The following ABHD17C variants were observed in gnomAD, a reference collection of about 807,000 sequenced individuals.
ABHD17C encodes the protein alpha/beta hydrolase domain-containing protein 17C.
ABHD17C carries 11 observed loss-of-function variants against 27.9 expected under a neutral mutation model. The ratio of observed to expected loss-of-function variants is 0.39; its 90% confidence interval spans 0.25 to 0.65. The LOEUF is 0.65. Ranked by LOEUF, ABHD17C falls within the 30% of genes least tolerant of loss-of-function variation. The pLI is 0.45. For missense variants in ABHD17C, 280 were observed against 470.2 expected (o/e 0.60, Z 3.74); for synonymous variants, 233 against 209.1 (o/e 1.11, Z -0.98).
At chr15:80,732,678 A>T (rs1895073168) in intron 1 of ABHD17C, among the ~76,000 whole-genome samples, 1 of 152,222 alleles carries the variant, frequency 6.6e-6, no homozygotes, top group South Asian at 2.1e-4. Context: ...AGGAGAACAG[A>T]ACTGAAGATG....
chr15:80,731,792 G>C (rs754325807), intron 1 of ABHD17C, among the ~76,000 whole-genome samples: 16 of 151,932 alleles, frequency 1.1e-4, no homozygotes, highest in Non-Finnish European at 2.1e-4. Flanking sequence ...AATTTTCCTT[G>C]GTACTTATGT....
At chr15:80,753,317 C>G (rs945056145) in intron 2 of ABHD17C, among the ~76,000 whole-genome samples, 4 of 152,110 alleles carry the variant, frequency 2.6e-5, no homozygotes, top group African/African-American at 9.7e-5. Context: ...ACACAACAGC[C>G]AATTGCAGTG....
chr15:80,743,006 T>TGGGGGGGTGGGGGGGG (rs1567038409), intron 1 of ABHD17C, among the ~76,000 whole-genome samples: 1 of 25,578 alleles, frequency 3.9e-5, no homozygotes, highest in Admixed American at 4.3e-4. Context: ...GGTGGGAGGG[T>TGGGGGGGTGGGGGGGG]GGGGTGGTGG....
At chr15:80,729,207 A>G (rs1467117481) in intron 1 of ABHD17C, among the ~76,000 whole-genome samples, 1 of 152,224 alleles carries the variant, frequency 6.6e-6, no homozygotes, top group African/African-American at 2.4e-5. Flanking sequence ...GAGGCCTCAC[A>G]GAGAGAACCT....
At chr15:80,717,937 A>G (rs1230517245) in intron 1 of ABHD17C, among the ~76,000 whole-genome samples, 1 of 152,168 alleles carries the variant, frequency 6.6e-6, no homozygotes, top group Non-Finnish European at 1.5e-5. Context: ...TAACGGAACT[A>G]CTAGCTGGTA....
Position 80,749,640 on chromosome 15 carries a change from C to G in ABHD17C, c.718C>G (p.Arg240Gly). The G allele has an allele frequency of 6.2e-7, 1 of 1,613,948 alleles. No individual in the cohort carries two copies. Among genetic ancestry groups the G allele is most frequent in the Non-Finnish European group, 8.5e-7 (1 of 1,179,860 alleles). The stretch of plus-strand genomic sequence containing the variant: ...CCATTCCCCTCTGATGTCTGGTTTG[C>G]GTGTGGCTTTTCCGGATACCAGGAA... The part of the protein sequence containing the change: ...ILHSPLMSGL[R>G]VAFPDTRKTY... The change falls in exon 2 of 3, where the codon CGT (arginine) becomes GGT (glycine). Residue 240 changes from arginine (R) to glycine (G), a missense_variant. Physicochemically the swap from Arg to Gly is moderately radical, Grantham distance 125. Around this residue, in one of 2 missense-constraint regions of ABHD17C, gnomAD observed 206 missense variants for 394.7 expected, o/e 0.52. Transcript: ENST00000258884.
chr15:80,739,884 T>C (rs537735719), intron 1 of ABHD17C, among the ~76,000 whole-genome samples: 1 of 152,280 alleles, frequency 6.6e-6, no homozygotes, highest in African/African-American at 2.4e-5. Flanking sequence ...TCAAATCTTT[T>C]CCCTTTTGGC....
rs867078958 is a variant in ABHD17C, at chr15:80,695,683, G to A, written c.254G>A (p.Gly85Asp). The change falls in exon 1 of 3, where the codon GGT becomes GAT. Residue 85 changes from glycine (G) to aspartate (D), a missense_variant. By Grantham distance (94) the Gly-to-Asp change is moderately conservative (BLOSUM62 -1). Around this residue, in one of 2 missense-constraint regions of ABHD17C, gnomAD observed 206 missense variants for 394.7 expected, o/e 0.52. Transcript: ENST00000258884. The surrounding 1 kb of genome is among the most constrained non-coding windows in gnomAD (Gnocchi z 4.3). ...QPEEGAGAGP[G>D]ACSLHLSERA... Reference sequence around the variant, plus strand: ...GAGGAGGGCGCGGGCGCGGGGCCCGGTGCGTGCAGCCTGCACCTCAGCGAG... The same window carrying A: ...GAGGAGGGCGCGGGCGCGGGGCCCGATGCGTGCAGCCTGCACCTCAGCGAG... 1.3e-6 allele frequency: 2 copies of A among 1,488,236 alleles called. No homozygotes were observed. Among genetic ancestry groups the A allele is most frequent in the Non-Finnish European group, 1.8e-6 (2 of 1,127,788 alleles). 92.2% of individuals were successfully genotyped at this position (1,488,236 alleles called of 1,614,324 possible).
At chr15:80,743,747 A>G (rs747807229) in intron 1 of ABHD17C, among the ~76,000 whole-genome samples, 2 of 152,010 alleles carry the variant, frequency 1.3e-5, no homozygotes, top group Non-Finnish European at 2.9e-5. Flanking sequence ...CACCATGCCC[A>G]ACTAATTTTT....
At chr15:80,721,709 T>A (rs1894899728) in intron 1 of ABHD17C, among the ~76,000 whole-genome samples, 1 of 152,174 alleles carries the variant, frequency 6.6e-6, no homozygotes. Context: ...GTAACCAGGT[T>A]GGGTTTCCTC....
At position 80,695,507 on chromosome 15, in the gene ABHD17C, G is replaced by A. The variant is rs1334892155; in HGVS notation, c.78G>A (p.Pro26=). The change falls in exon 1 of 3, where the codon CCG becomes CCA. Residue 26 remains proline (P), a synonymous_variant. Transcript: ENST00000258884. The surrounding 1 kb of genome is among the most constrained non-coding windows in gnomAD (Gnocchi z 4.3). ...GGCTCTTCTGCTGCCCGCCCTGCCCGAGCCGCATCGCCGCCAAGCTGGCCT... is the reference window on the plus strand; with the variant it reads ...GGCTCTTCTGCTGCCCGCCCTGCCCAAGCCGCATCGCCGCCAAGCTGGCCT... ...LCWLFCCPPC[P]SRIAAKLAFL... 14 of 1,383,996 alleles carry A rather than the reference G, an allele frequency of 1.0e-5. No individual in the cohort carries two copies. The highest frequency in any genetic ancestry group is 7.3e-5 in the Admixed American group (3 of 41,320). The allele number at this position is 1,383,996 out of a possible 1,614,324, so 85.7% of individuals were successfully genotyped here.
intron 1 of ABHD17C, among the ~76,000 whole-genome samples, chr15:80,727,928 G>A (rs1478670240): frequency 2.0e-5 from 3 of 152,114 alleles, no homozygotes; most frequent in Non-Finnish European, 2.9e-5. Context: ...TCCTCCCTGG[G>A]TGCAGCCGTC....
intron 1 of ABHD17C, among the ~76,000 whole-genome samples, chr15:80,701,661 A>G (rs899114202): frequency 6.7e-6 from 1 of 149,970 alleles, no homozygotes; most frequent in Admixed American, 6.7e-5. Flanking sequence ...CCTGGGCGAC[A>G]GAGCGAGACT....
At chr15:80,725,073 A>T (rs1302161711) in intron 1 of ABHD17C, among the ~76,000 whole-genome samples, 2 of 152,238 alleles carry the variant, frequency 1.3e-5, no homozygotes, top group African/African-American at 4.8e-5. Context: ...AAGAGGCACG[A>T]AGACACCAGG....
chr15:80,699,248 G>T (rs1410976716), intron 1 of ABHD17C, among the ~76,000 whole-genome samples: 1 of 152,162 alleles, frequency 6.6e-6, no homozygotes, highest in African/African-American at 2.4e-5. Flanking sequence ...CTGACAGTTG[G>T]CAAAATGTCT....
intron 1 of ABHD17C, among the ~76,000 whole-genome samples, chr15:80,703,940 C>A (rs1192744393): frequency 6.6e-6 from 1 of 152,108 alleles, no homozygotes; most frequent in Admixed American, 6.5e-5. Context: ...AAAGTAGGCA[C>A]AGTAAGAGAT....
chr15:80,696,183 C>T (rs1894492911), intron 1 of ABHD17C, among the ~76,000 whole-genome samples, 164 bp downstream of exon 1: 1 of 152,230 alleles, frequency 6.6e-6, no homozygotes. Context: ...TCTTGTCCCA[C>T]CCTGGCTTGC....
chr15:80,707,882 A>G (rs926077916), intron 1 of ABHD17C, among the ~76,000 whole-genome samples: 2 of 152,234 alleles, frequency 1.3e-5, no homozygotes, highest in Admixed American at 1.3e-4. Flanking sequence ...TTCCTACTAA[A>G]AATTCCAAGA....
chr15:80,696,197 C>T (rs1164313927), intron 1 of ABHD17C, among the ~76,000 whole-genome samples, 178 bp downstream of exon 1: 1 of 152,216 alleles, frequency 6.6e-6, no homozygotes, highest in Non-Finnish European at 1.5e-5. Flanking sequence ...GGCTTGCTCC[C>T]ACCCTCTCCA....
Sources: allele counts gnomAD v4.1 joint callset (sites outside exome capture counted in the v4.1 genomes callset), GRCh38; gene constraint gnomAD v4.1.1; regional missense constraint gnomAD v4.1.1; non-coding constraint Gnocchi (gnomAD v3.1); transcripts MANE v1.5; gene names NCBI Gene and HGNC (gene_info 2026-07-23, HGNC 2026-07-21).